The following GATAD2A variants were observed in gnomAD, a reference collection of about 807,000 sequenced individuals.
GATAD2A encodes GATA zinc finger domain containing 2A.
Under a neutral mutation model 68.5 loss-of-function variants are expected in GATAD2A, and 12 were observed. The ratio of observed to expected loss-of-function variants is 0.18; its 90% CI spans 0.11 to 0.28. The LOEUF (loss-of-function observed/expected upper bound fraction) is 0.28, where lower values mean the gene tolerates loss of function less well. Ranked by LOEUF, GATAD2A falls within the 10% of genes least tolerant of loss-of-function variation. The pLI is 1.00. For synonymous variants in GATAD2A, 410 were observed against 375.3 expected, an observed-to-expected ratio of 1.09 and a Z score of -1.07; for missense variants, 755 against 868.5, an observed-to-expected ratio of 0.87 and a Z score of 1.64.
At chr19:19,494,144 T>A in intron 4 of GATAD2A, 150 bp from the exon 5 acceptor site, 2 of 577,564 alleles carry the variant, frequency 3.5e-6, no homozygotes, top group Non-Finnish European at 6.2e-6. Context: ...GGGGTCACTT[T>A]CAGCCTTCAA....
chr19:19,429,437 G>A (rs2053483041), intron 1 of GATAD2A, among the ~76,000 whole-genome samples: 1 of 152,132 alleles, frequency 6.6e-6, no homozygotes, highest in South Asian at 2.1e-4. Flanking sequence ...GAACGTGTAT[G>A]CTCCTTCACA....
chr19:19,484,935 G>A (rs574266261), intron 2 of GATAD2A, among the ~76,000 whole-genome samples: 137 of 152,308 alleles, frequency 9.0e-4, no homozygotes, highest in Middle Eastern at 3.4e-3. Context: ...TCCAGGTGCT[G>A]CCTGAAGCTG....
In GATAD2A at chr19:19,492,937, C is replaced by T. The variant is rs1372832308; in HGVS notation, c.534+225C>T. ...GTATTCTGGTTCTGAGGGTCTAAAGCTCACTTTTTTTTTTTTTTTTTTGAG... is the reference window on the plus strand; with the variant it reads ...GTATTCTGGTTCTGAGGGTCTAAAGTTCACTTTTTTTTTTTTTTTTTTGAG... On this transcript the variant is annotated intron_variant, in intron 4 of 11. Transcript: ENST00000683918. Among the ~76,000 whole-genome samples, 4 of 146,418 alleles carry T rather than the reference C, an allele frequency of 2.7e-5. No homozygotes were observed. The East Asian group carries it at 8.0e-4, about 29-fold the overall frequency.
At chr19:19,450,998 C>T (rs1427358999) in intron 1 of GATAD2A, among the ~76,000 whole-genome samples, 1 of 147,370 alleles carries the variant, frequency 6.8e-6, no homozygotes, top group Non-Finnish European at 1.5e-5. Flanking sequence ...TCTTGAACTT[C>T]TGACCATGTG....
Position 19,501,404 on chromosome 19 carries a change from C to T in GATAD2A, c.1491C>T (p.Pro497=), listed in dbSNP as rs112281927. The T allele has an allele frequency of 3.9e-3, 6,158 of 1,596,812 alleles. 15 individuals are homozygous for T. The highest frequency in any genetic ancestry group is 4.3e-3 in the Non-Finnish European group (5,097 of 1,172,224). The change falls in exon 9 of 12, where the codon CCC becomes CCT. Residue 497 remains proline, a synonymous_variant. Transcript: ENST00000683918. ...CCGAGCCCACCGCTGCCCCACACCC[C>T]GTGCTGAAGCAGGTGAGCCTGGCCT... The part of the protein sequence containing the change: ...AKAEPTAAPH[P]VLKQVIKPRR...
intron 5 of GATAD2A, 42 bp from the exon 6 acceptor site, chr19:19,495,712 G>C (rs760373237): frequency 1.1e-5 from 17 of 1,546,622 alleles, no homozygotes; most frequent in Non-Finnish European, 1.8e-6. Flanking sequence ...AAGTGTGGGG[G>C]GGTCCGGTCC....
At chr19:19,490,917 A>G (rs1432322864) in intron 2 of GATAD2A, among the ~76,000 whole-genome samples, 1 of 152,162 alleles carries the variant, frequency 6.6e-6, no homozygotes, top group East Asian at 1.9e-4. Context: ...ATGAACCCAG[A>G]TCATCAGGGA....
chr19:19,444,138 G>A (rs1202540333), intron 1 of GATAD2A, among the ~76,000 whole-genome samples: 1 of 152,002 alleles, frequency 6.6e-6, no homozygotes, highest in Non-Finnish European at 1.5e-5. Context: ...CCTTCCTGTC[G>A]CCTCCCTGCT....
intron 1 of GATAD2A, among the ~76,000 whole-genome samples, chr19:19,453,301 G>T (rs2147851177): frequency 6.6e-6 from 1 of 152,302 alleles, no homozygotes; most frequent in South Asian, 2.1e-4. Context: ...TGAGTTTATA[G>T]CATGTAATTT....
intron 11 of GATAD2A, among the ~76,000 whole-genome samples, chr19:19,504,313 GA>G (rs2060737938): frequency 6.6e-6 from 1 of 152,218 alleles, no homozygotes; most frequent in African/African-American, 2.4e-5. Context: ...GTCCATCATG[GA>G]AATTTGGAAA....
At chr19:19,485,530 C>T (rs1440767096) in intron 2 of GATAD2A, among the ~76,000 whole-genome samples, 2 of 152,188 alleles carry the variant, frequency 1.3e-5, no homozygotes, top group African/African-American at 2.4e-5. Context: ...CCTCTGATCC[C>T]GTGGTGGTTT....
intron 1 of GATAD2A, among the ~76,000 whole-genome samples, chr19:19,416,276 G>A (rs1327864804): frequency 6.6e-6 from 1 of 152,108 alleles, no homozygotes; most frequent in East Asian, 1.9e-4. Flanking sequence ...GGGCAAGAGC[G>A]AGGGCCTTAA....
In GATAD2A at chr19:19,498,666, A is replaced by T; in HGVS notation, c.1148A>T (p.Glu383Val). Residue 383 changes from glutamate (E) to valine (V), a missense_variant, in exon 8 of 12, where the codon GAG (glutamate) becomes GTG (valine). Glu to Val is a moderately radical substitution (Grantham distance 121, BLOSUM62 -2). Coordinates refer to ENST00000683918, the MANE Select transcript of GATAD2A (RefSeq NM_001384528.1). ...MNFLPSAANN[E>V]FIYLVGLEEV... ...TTCCTGCCCAGCGCCGCCAACAACG[A>T]GTTCATCTACCTGGTCGGCCTGGAG... 1 of 1,613,868 alleles carries T rather than the reference A, an allele frequency of 6.2e-7. No homozygotes were observed. The highest frequency in any genetic ancestry group is 8.5e-7 in the Non-Finnish European group (1 of 1,179,978).
chr19:19,508,536 G>T lies in GATAD2A; in HGVS notation c.*3062G>T, dbSNP rs1225750303. ...TCTCCTATTGGACGTAGAGGCAGGGGAGAGACTTCTCTATACAAATATTCT... is the reference window on the plus strand; with the variant it reads ...TCTCCTATTGGACGTAGAGGCAGGGTAGAGACTTCTCTATACAAATATTCT... On this transcript the variant is annotated 3_prime_UTR_variant, in exon 12 of 12. Coordinates refer to ENST00000683918, the MANE Select transcript of GATAD2A (RefSeq NM_001384528.1). 6.6e-6 allele frequency: 1 copy of T among 152,256 alleles called. No individual in the cohort carries two copies. The highest frequency in any genetic ancestry group is 6.5e-5 in the Admixed American group (1 of 15,284). The allele number at this position is 152,256 out of a possible 1,614,324, so 9.4% of individuals were successfully genotyped here.
At chr19:19,410,451 T>C (rs896299139) in intron 1 of GATAD2A, among the ~76,000 whole-genome samples, 6 of 152,102 alleles carry the variant, frequency 3.9e-5, no homozygotes, top group African/African-American at 9.7e-5. Flanking sequence ...TGGTACAGGA[T>C]TGGGGAGAAA....
chr19:19,501,838 C>T (rs1286586316), intron 9 of GATAD2A, 131 bp from the exon 10 acceptor site: 7 of 689,130 alleles, frequency 1.0e-5, no homozygotes, highest in Non-Finnish European at 1.5e-5. Context: ...TCACTAAACG[C>T]ATTTTCTCAA....
rs1484170826 is a variant in GATAD2A at position 19,501,204 on chromosome 19, G to A, written c.1291G>A (p.Glu431Lys). ...CKTDFTCRWR[E>K]EKSGAIMCEN... The stretch of plus-strand genomic sequence containing the variant: ...GACGGACTTCACGTGCCGCTGGCGG[G>A]AGGAGAAGAGCGGCGCCATCATGTG... Residue 431 changes from glutamate to lysine, a missense_variant, in exon 9 of 12, where the codon GAG becomes AAG. Glu to Lys is a moderately conservative substitution (Grantham distance 56). Coordinates refer to ENST00000683918, the MANE Select transcript of GATAD2A (RefSeq NM_001384528.1). 1 of 1,607,994 alleles carries A rather than the reference G, an allele frequency of 6.2e-7. No homozygotes were observed. The highest frequency in any genetic ancestry group is 1.3e-5 in the African/African-American group (1 of 74,890).
At position 19,391,316 on chromosome 19, in the gene GATAD2A, A is replaced by G. The variant is rs1031906439; in HGVS notation, c.-7+5178A>G. On this transcript the variant is annotated intron_variant, in intron 1 of 11. Coordinates refer to the GATAD2A transcript ENST00000360315. ...TTGTTTGTTTTCTTCCTGGAAATAT[A>G]CCCTCTCTCTTCCTCCTTCCCTCCT... 5.3e-5 allele frequency among the ~76,000 whole-genome samples: 8 copies of G among 151,928 alleles called. No homozygotes were observed. The South Asian group carries it at 6.2e-4, about 12-fold the overall frequency.
rs570745431 is a variant in GATAD2A at position 19,501,358 on chromosome 19, C to A, written c.1445C>A (p.Thr482Lys). Residue 482 changes from threonine to lysine, a missense_variant, in exon 9 of 12, where the codon ACG becomes AAG. Physicochemically the swap from Thr to Lys is moderately conservative, Grantham distance 78. Transcript: ENST00000683918. The stretch of plus-strand genomic sequence containing the variant: ...GAGCAGCGGCTCCTGCAGCAGGGCA[C>A]GGCCCCTGCACAGGCCAAGGCCGAG... Reference protein sequence around the residue: ...EIEQRLLQQGTAPAQAKAEPT... With the variant: ...EIEQRLLQQGKAPAQAKAEPT... The A allele has an allele frequency of 6.2e-7, 1 of 1,611,268 alleles. No individual in the cohort carries two copies. Among genetic ancestry groups the A allele is most frequent in the African/African-American group, 1.3e-5 (1 of 74,866 alleles).
Sources: gnomAD v4.1 joint callset for allele counts (sites outside exome capture counted in the v4.1 genomes callset) on GRCh38, gnomAD v4.1.1 for gene constraint, MANE v1.5 for transcripts, NCBI Gene and HGNC (gene_info 2026-07-23, HGNC 2026-07-21) for gene names.